Variants in DNAH7 observed in about 807,000 individuals in gnomAD.
The protein encoded by DNAH7 is dynein axonemal heavy chain 7.
DNAH7 carries 397 observed loss-of-function variants against 444.6 expected under a neutral mutation model. The ratio of observed to expected loss-of-function variants is 0.89; its 90% confidence interval spans 0.82 to 0.97. DNAH7 has a LOEUF of 0.97. Ranked by LOEUF, DNAH7 falls within the 50% of genes least tolerant of loss-of-function variation. The pLI is 0.00. For synonymous variants in DNAH7, 1,636 were observed against 1,624.4 expected (o/e 1.01, Z -0.17); for missense variants, 4,902 against 4,800.8 (o/e 1.02, Z -0.62).
In DNAH7 at chr2:195,807,420, A is replaced by G. The variant is rs145657914; in HGVS notation, c.10084-588T>C. On this transcript the variant is annotated intron_variant, in intron 53 of 64. Coordinates refer to ENST00000312428, the MANE Select transcript of DNAH7 (RefSeq NM_018897.3). ...TGATCCACCTGTCTTGGCCTCCCAA[A>G]GTGCTGGGATTACAGGTATGAGCCA... Among the ~76,000 whole-genome samples the G allele has an allele frequency of 1.2e-3, 181 of 152,314 alleles. 1 individual carries two copies. The highest frequency in any genetic ancestry group is 4.3e-3 in the African/African-American group (179 of 41,566).
chr2:195,738,353 C>G (rs1692779805), intron 64 of DNAH7, among the ~76,000 whole-genome samples: 1 of 152,036 alleles, frequency 6.6e-6, no homozygotes, highest in Non-Finnish European at 1.5e-5. Flanking sequence ...TATTTTCTAC[C>G]TATTTATCTC....
In DNAH7 at chr2:195,957,247, A is replaced by G; in HGVS notation, c.3078+14T>C. ...CAACCAAATAATGACATTTTTGGAG[A>G]TTTTTTCACCTACCTGCATGACACT... is the stretch of plus-strand genomic sequence containing the variant. On this transcript the variant is annotated intron_variant, in intron 19 of 64. Transcript: ENST00000312428. 6.8e-7 allele frequency: 1 copy of G among 1,473,812 alleles called. No individual in the cohort carries two copies. Among genetic ancestry groups the G allele is most frequent in the Non-Finnish European group, 9.1e-7 (1 of 1,099,436 alleles). The allele number at this position is 1,473,812 out of a possible 1,614,324, so 91.3% of individuals were successfully genotyped here.
intron 51 of DNAH7, among the ~76,000 whole-genome samples, chr2:195,810,700 A>T (rs957313026): frequency 7.9e-5 from 12 of 152,208 alleles, no homozygotes; most frequent in African/African-American, 2.9e-4. Context: ...ATTCCCATAA[A>T]GAGAATTACA....
intron 58 of DNAH7, among the ~76,000 whole-genome samples, chr2:195,781,006 T>C (rs1179085411): frequency 2.6e-5 from 4 of 152,016 alleles, no homozygotes; most frequent in Non-Finnish European, 4.4e-5. Context: ...ATTATAAGAC[T>C]TGTTATTTGG....
At chr2:196,027,875 G>T in intron 6 of DNAH7, 85 bp downstream of exon 6, 2 of 1,217,448 alleles carry the variant, frequency 1.6e-6, no homozygotes, top group Non-Finnish European at 2.3e-6. Context: ...CAAAGGAGAA[G>T]CACAGAGTGG....
rs1701602786 is a variant in DNAH7, at chr2:195,884,661, T to C, written c.5687A>G (p.Glu1896Gly). ...RNTFKLQSGT[E>G]QTSSKALTVP... ...AGTTAGTGCCTTTGAGGATGTTTGC[T>C]CAGTACCACTCTGTAATTTAAACGT... The change falls in exon 35 of 65, where the codon GAG becomes GGG. Residue 1896 changes from glutamate (E) to glycine (G), a missense_variant. Glu to Gly is a moderately conservative substitution (Grantham distance 98). Coordinates refer to ENST00000312428, the MANE Select transcript of DNAH7 (RefSeq NM_018897.3). 6.2e-7 allele frequency: 1 copy of C among 1,614,168 alleles called. No homozygotes were observed.
At position 195,891,766 on chromosome 2, in the gene DNAH7, T is replaced by G; in HGVS notation, c.4935A>C (p.Leu1645Phe). The G allele has an allele frequency of 6.2e-7, 1 of 1,604,240 alleles. No homozygotes were observed. Among genetic ancestry groups the G allele is most frequent in the African/African-American group, 1.3e-5 (1 of 74,638 alleles). Reference sequence around the variant, plus strand: ...GGCCCATGGTGACAGACTTAGGATTTAAAACAGTTATTTGAACTTTGTTTT... The same window carrying G: ...GGCCCATGGTGACAGACTTAGGATTGAAAACAGTTATTTGAACTTTGTTTT... ...MEENKVQITV[L>F]NPKSVTMGQL... The change falls in exon 31 of 65, where the codon TTA becomes TTC. Residue 1645 changes from leucine (L) to phenylalanine (F), a missense_variant. Coordinates refer to ENST00000312428, the MANE Select transcript of DNAH7 (RefSeq NM_018897.3).
intron 47 of DNAH7, among the ~76,000 whole-genome samples, chr2:195,843,153 T>C (rs542895296): frequency 1.6e-4 from 24 of 152,336 alleles, no homozygotes; most frequent in South Asian, 1.0e-3. Context: ...ATCTCCCACC[T>C]GTGTCAATCT....
chr2:195,942,717 T>C (rs1256981588), intron 19 of DNAH7, among the ~76,000 whole-genome samples: 1 of 152,082 alleles, frequency 6.6e-6, no homozygotes. Context: ...AGAAGCAAAA[T>C]TGTTGTTAGC....
chr2:195,916,811 T>C (rs887452036), intron 24 of DNAH7, among the ~76,000 whole-genome samples: 3 of 151,692 alleles, frequency 2.0e-5, no homozygotes, highest in African/African-American at 7.3e-5. Context: ...TGAGTCAAGA[T>C]TGCGTCAGCC....
intron 24 of DNAH7, among the ~76,000 whole-genome samples, chr2:195,912,761 C>T (rs1687437840): frequency 6.6e-6 from 1 of 152,186 alleles, no homozygotes; most frequent in Non-Finnish European, 1.5e-5. Context: ...AAACCTACTT[C>T]TTTCTGTTTT....
chr2:195,950,239 CT>C (rs201380904), intron 19 of DNAH7, among the ~76,000 whole-genome samples: 1 of 151,592 alleles, frequency 6.6e-6, no homozygotes, highest in East Asian at 1.9e-4. Context: ...TGGTCCTGGG[CT>C]TTTTTTTGGT....
chr2:195,798,910 C>A (rs1032710109), intron 55 of DNAH7, among the ~76,000 whole-genome samples: 7 of 152,030 alleles, frequency 4.6e-5, no homozygotes, highest in Admixed American at 3.3e-4. Context: ...CAATGAAGGC[C>A]CCCCGTTAGA....
intron 10 of DNAH7, among the ~76,000 whole-genome samples, 196 bp from the exon 11 acceptor site, chr2:196,002,054 T>C (rs941688862): frequency 1.3e-5 from 2 of 152,186 alleles, no homozygotes; most frequent in Non-Finnish European, 2.9e-5. Flanking sequence ...TCTTAGCCAA[T>C]AGAAAATTAC....
At chr2:195,813,028 AAG>A (rs367784016) in intron 51 of DNAH7, among the ~76,000 whole-genome samples, 21 of 152,340 alleles carry the variant, frequency 1.4e-4, no homozygotes, top group African/African-American at 5.1e-4. Flanking sequence ...TATTTACTAA[AAG>A]GGAATATAAC....
chr2:195,859,050 A>G (rs1335002811), intron 42 of DNAH7, among the ~76,000 whole-genome samples: 2 of 152,242 alleles, frequency 1.3e-5, no homozygotes, highest in Non-Finnish European at 2.9e-5. Flanking sequence ...TTATCAACGC[A>G]TACAACAGAA....
chr2:195,965,150 C>A (rs1210991230), intron 17 of DNAH7, among the ~76,000 whole-genome samples: 1 of 152,140 alleles, frequency 6.6e-6, no homozygotes. Flanking sequence ...CCTTCAATAG[C>A]CAGTTTTATG....
At chr2:195,750,447 G>A (rs566400008) in intron 63 of DNAH7, among the ~76,000 whole-genome samples, 10 of 152,160 alleles carry the variant, frequency 6.6e-5, no homozygotes, top group Non-Finnish European at 8.8e-5. Flanking sequence ...GACCCTCTGC[G>A]TATTATAATA....
intron 19 of DNAH7, among the ~76,000 whole-genome samples, chr2:195,948,139 T>C (rs964527289): frequency 2.0e-5 from 3 of 152,150 alleles, no homozygotes; most frequent in African/African-American, 7.2e-5. Context: ...TCTGATGGGG[T>C]TGTTTTTTTT....
Sources: gnomAD v4.1 joint callset for allele counts (sites outside exome capture counted in the v4.1 genomes callset) on GRCh38, gnomAD v4.1.1 for gene constraint, MANE v1.5 for transcripts, NCBI Gene and HGNC (gene_info 2026-07-23, HGNC 2026-07-21) for gene names.